The following GALNT2 variants were observed in gnomAD, a reference collection of about 807,000 sequenced individuals.
GALNT2 encodes the protein polypeptide N-acetylgalactosaminyltransferase 2, also known as UDP-GalNAc:polypeptide N-acetylgalactosaminyltransferase 2.
In GALNT2, 31 loss-of-function variants were observed where a neutral mutation model predicts 81.4. The ratio of observed to expected loss-of-function variants is 0.38; its 90% CI spans 0.29 to 0.51. The LOEUF (loss-of-function observed/expected upper bound fraction) is 0.51. Among genes scored for constraint, GALNT2 ranks in the 20% least tolerant of loss-of-function variants. GALNT2 has a pLI of 0.87. For missense variants in GALNT2, 629 were observed against 765.7 expected (o/e 0.82, Z 2.11); for synonymous variants, 303 against 287.4 (o/e 1.05, Z -0.55).
At chr1:230,096,474 C>T (rs1197006698) in intron 1 of GALNT2, among the ~76,000 whole-genome samples, 1 of 152,084 alleles carries the variant, frequency 6.6e-6, no homozygotes, top group Non-Finnish European at 1.5e-5. Context: ...TCTCGTTCTC[C>T]CCTCCCGCCT....
rs1385170391 is a variant in GALNT2, at chr1:230,279,020, T to C, written c.1561-283T>C. 6.6e-6 allele frequency among the ~76,000 whole-genome samples: 1 copy of C among 152,108 alleles called. No individual in the cohort carries two copies. The highest frequency in any genetic ancestry group is 2.4e-5 in the African/African-American group (1 of 41,416). ...TGACGAAGGGGTGGGTGCCCAGAGC[T>C]CTGGGGCTCAGAGGAGGGGACACCC... On this transcript the variant is annotated intron_variant, in intron 15 of 15. Coordinates refer to ENST00000366672, the MANE Select transcript of GALNT2 (RefSeq NM_004481.5). The surrounding 1 kb of genome is among the most constrained non-coding windows in gnomAD (Gnocchi z 4.6).
At position 230,275,577 on chromosome 1, in the gene GALNT2, C is replaced by T. The variant is rs542977402; in HGVS notation, c.1560+1013C>T. 2.7e-5 allele frequency among the ~76,000 whole-genome samples: 4 copies of T among 150,792 alleles called. No homozygotes were observed. Among genetic ancestry groups the T allele is most frequent in the African/African-American group, 4.9e-5 (2 of 41,062 alleles). Reference sequence around the variant, plus strand: ...CGCCACATATATATACATATAAACACACCATATATATACATATAGATACAT... The same window carrying T: ...CGCCACATATATATACATATAAACATACCATATATATACATATAGATACAT... On this transcript the variant is annotated intron_variant, in intron 15 of 15. Transcript: ENST00000366672. The surrounding 1 kb of genome is among the most constrained non-coding windows in gnomAD (Gnocchi z 5.5).
intron 1 of GALNT2, among the ~76,000 whole-genome samples, chr1:230,129,330 T>A (rs1272956912): frequency 6.6e-6 from 1 of 152,202 alleles, no homozygotes; most frequent in Non-Finnish European, 1.5e-5. Flanking sequence ...ACTATTTTAT[T>A]TTTTAGAGAT....
At chr1:230,224,928 A>C (rs534967863) in intron 3 of GALNT2, among the ~76,000 whole-genome samples, 17 of 152,390 alleles carry the variant, frequency 1.1e-4, no homozygotes, top group Non-Finnish European at 1.9e-4. Flanking sequence ...CAAGAAAGCT[A>C]TTTTAGACGA....
chr1:230,157,746 A>G (rs1226683085), intron 1 of GALNT2, among the ~76,000 whole-genome samples: 1 of 152,206 alleles, frequency 6.6e-6, no homozygotes, highest in Non-Finnish European at 1.5e-5. Flanking sequence ...TACATACTGT[A>G]TACTTCTATT....
intron 2 of GALNT2, among the ~76,000 whole-genome samples, chr1:230,185,268 GC>G (rs1268147955): frequency 5.2e-5 from 6 of 114,920 alleles, no homozygotes; most frequent in Admixed American, 8.3e-5. Context: ...AACTGTGCGT[GC>G]GTGCGTGTGT....
At chr1:230,207,585 C>A (rs1280041680) in intron 3 of GALNT2, among the ~76,000 whole-genome samples, 1 of 152,022 alleles carries the variant, frequency 6.6e-6, no homozygotes, top group South Asian at 2.1e-4. Flanking sequence ...AAGATGATAG[C>A]CCATCTTATT....
intron 2 of GALNT2, among the ~76,000 whole-genome samples, chr1:230,182,767 A>C (rs922914344): frequency 6.6e-6 from 1 of 152,148 alleles, no homozygotes; most frequent in African/African-American, 2.4e-5. Flanking sequence ...GGTGTTGTTG[A>C]GTTCAACTCT....
chr1:230,132,547 G>T (rs774037753), intron 1 of GALNT2, among the ~76,000 whole-genome samples: 15 of 152,190 alleles, frequency 9.9e-5, no homozygotes, highest in Admixed American at 5.9e-4. Context: ...CTGAGAATGT[G>T]AGATTGGGAG....
At chr1:230,202,607 C>G (rs954658892) in intron 2 of GALNT2, among the ~76,000 whole-genome samples, 5 of 152,212 alleles carry the variant, frequency 3.3e-5, no homozygotes, top group African/African-American at 1.2e-4. Context: ...GTCAGGCATA[C>G]TAACAGCTGC....
chr1:230,242,708 A>G lies in GALNT2; in HGVS notation c.608-598A>G, dbSNP rs116823583. 8.3e-3 allele frequency among the ~76,000 whole-genome samples: 1,261 copies of G among 152,226 alleles called. 18 individuals carry two copies. The highest frequency in any genetic ancestry group is 0.029 in the African/African-American group (1,207 of 41,528). ...CACCCACGGCTGATTTTTGAAATACACTATTTGTATTTTGTGTCATAATGA... is the reference window on the plus strand; with the variant it reads ...CACCCACGGCTGATTTTTGAAATACGCTATTTGTATTTTGTGTCATAATGA... On this transcript the variant is annotated intron_variant, in intron 6 of 15. Transcript: ENST00000366672.
intron 11 of GALNT2, 160 bp downstream of exon 11, chr1:230,255,504 A>G (rs890510816): frequency 1.0e-5 from 10 of 953,218 alleles, no homozygotes; most frequent in Non-Finnish European, 1.6e-5. Flanking sequence ...CCACGGATGC[A>G]GGATACAACC....
intron 2 of GALNT2, 37 bp from the exon 3 acceptor site, chr1:230,203,100 T>A: frequency 6.3e-7 from 1 of 1,590,016 alleles, no homozygotes; most frequent in Non-Finnish European, 8.6e-7. Flanking sequence ...TTGGTCACAT[T>A]TTCCCTCATC....
intron 1 of GALNT2, among the ~76,000 whole-genome samples, chr1:230,090,570 C>T (rs1660040369): frequency 6.6e-6 from 1 of 152,088 alleles, no homozygotes; most frequent in African/African-American, 2.4e-5. Flanking sequence ...GCTGGTGCTT[C>T]TGAGGTTCCC....
At chr1:230,102,035 C>T (rs1186106465) in intron 1 of GALNT2, among the ~76,000 whole-genome samples, 1 of 152,162 alleles carries the variant, frequency 6.6e-6, no homozygotes, top group African/African-American at 2.4e-5. Context: ...ACAATTTGCC[C>T]TTCTTGGGGA....
chr1:230,157,448 A>G (rs1226864422), intron 1 of GALNT2, among the ~76,000 whole-genome samples: 1 of 152,224 alleles, frequency 6.6e-6, no homozygotes, highest in Non-Finnish European at 1.5e-5. Flanking sequence ...ATAAAGCTAA[A>G]CACATGTTCT....
At chr1:230,173,778 G>A (rs1043840963) in intron 1 of GALNT2, among the ~76,000 whole-genome samples, 1 of 152,162 alleles carries the variant, frequency 6.6e-6, no homozygotes, top group Non-Finnish European at 1.5e-5. Flanking sequence ...ATTTTTGAGC[G>A]GCACTGATGC....
At chr1:230,066,993 C>G (rs1478686608), upstream of GALNT2, among the ~76,000 whole-genome samples, 2 of 148,990 alleles carry the variant, frequency 1.3e-5, no homozygotes, top group East Asian at 3.9e-4. Context: ...GCGGCCCGCG[C>G]CCCGGCCCCC....
chr1:230,177,707 C>T (rs950782649), intron 1 of GALNT2, among the ~76,000 whole-genome samples: 1 of 152,138 alleles, frequency 6.6e-6, no homozygotes, highest in South Asian at 2.1e-4. Context: ...TGGCCCTACC[C>T]CCTGCTCCTG....
Sources: gnomAD v4.1 joint callset for allele counts (sites outside exome capture counted in the v4.1 genomes callset) on GRCh38, gnomAD v4.1.1 for gene constraint, Gnocchi (gnomAD v3.1) non-coding constraint, MANE v1.5 for transcripts, NCBI Gene and HGNC (gene_info 2026-07-23, HGNC 2026-07-21) for gene names.